BTBD9: variants seen among roughly 807,000 people sequenced by gnomAD.
The protein encoded by BTBD9 is BTB/POZ domain-containing protein 9.
Under a neutral mutation model 64.3 loss-of-function variants are expected in BTBD9, and 49 were observed. That is an observed-to-expected ratio of 0.76 (90% CI 0.61 to 0.97). The LOEUF is 0.97. BTBD9 is among the 50% of genes least tolerant of loss of function. BTBD9 has a pLI of 0.00. For missense variants in BTBD9, 598 were observed against 762.1 expected (o/e 0.78, Z 2.53); for synonymous variants, 260 against 274.7 (o/e 0.95, Z 0.53).
At chr6:38,313,287 CT>C (rs1383551243) in intron 7 of BTBD9, among the ~76,000 whole-genome samples, 1 of 152,106 alleles carries the variant, frequency 6.6e-6, no homozygotes, top group Non-Finnish European at 1.5e-5. Flanking sequence ...TTGGTGGAGT[CT>C]TTAGGTTTTT....
At chr6:38,418,242 A>G (rs111401069) in intron 6 of BTBD9, among the ~76,000 whole-genome samples, 19 of 152,210 alleles carry the variant, frequency 1.2e-4, no homozygotes, top group African/African-American at 4.6e-4. Context: ...ATACAGGAAT[A>G]AATATGTTTA....
chr6:38,321,100 G>T (rs1404025328), intron 7 of BTBD9, among the ~76,000 whole-genome samples: 1 of 152,190 alleles, frequency 6.6e-6, no homozygotes, highest in African/African-American at 2.4e-5. Context: ...GCTAAGGGAG[G>T]TCTCTTTTAA....
In BTBD9 at chr6:38,465,753, A is replaced by ATATGTATGTATG. The variant is rs1240229381; in HGVS notation, c.1154+111835_1154+111846dup. ...TATATATATATATATATATATATAT[A>ATATGTATGTATG]TATGTATGTATGTATGTATTTCAGT... is the stretch of plus-strand genomic sequence containing the variant. On this transcript the variant is annotated intron_variant, in intron 6 of 10. Transcript: ENST00000481247. Among the ~76,000 whole-genome samples the ATATGTATGTATG allele has an allele frequency of 3.1e-3, 124 of 39,656 alleles. 1 individual carries two copies. The highest frequency in any genetic ancestry group is 3.7e-3 in the Non-Finnish European group (84 of 22,516). 26.0% of individuals were successfully genotyped at this position (39,656 alleles called of 152,430 possible).
chr6:38,462,466 G>A (rs1162360985), intron 6 of BTBD9, among the ~76,000 whole-genome samples: 4 of 152,100 alleles, frequency 2.6e-5, no homozygotes, highest in Admixed American at 1.3e-4. Context: ...ATAATTGTGC[G>A]GGTCTACCTC....
intron 9 of BTBD9, among the ~76,000 whole-genome samples, chr6:38,247,247 G>C (rs1292473096): frequency 6.6e-6 from 1 of 151,958 alleles, no homozygotes; most frequent in Non-Finnish European, 1.5e-5. Context: ...CTTTACTGAG[G>C]CTATAACTCT....
Position 38,239,453 on chromosome 6 carries a change from A to T in BTBD9, c.1562+16956T>A, listed in dbSNP as rs1289285561. On this transcript the variant is annotated intron_variant, in intron 9 of 10. Transcript: ENST00000481247. ...GACTCTGTCTCAAAAAAAAAAAAAAAAAAAAAAGATATAATCTCTTATAGG... is the reference window on the plus strand; with the variant it reads ...GACTCTGTCTCAAAAAAAAAAAAAATAAAAAAAGATATAATCTCTTATAGG... 7.1e-4 allele frequency among the ~76,000 whole-genome samples: 108 copies of T among 151,838 alleles called. 1 individual carries two copies. The highest frequency in any genetic ancestry group is 2.5e-3 in the African/African-American group (103 of 41,414).
At chr6:38,581,374 T>C (rs1361539891) in intron 4 of BTBD9, among the ~76,000 whole-genome samples, 3 of 152,218 alleles carry the variant, frequency 2.0e-5, no homozygotes, top group Non-Finnish European at 4.4e-5. Flanking sequence ...AATTAATTAA[T>C]CTAGCTTATA....
intron 7 of BTBD9, among the ~76,000 whole-genome samples, chr6:38,313,000 T>C (rs1344289590): frequency 1.3e-5 from 2 of 152,362 alleles, no homozygotes; most frequent in South Asian, 2.1e-4. Context: ...TTGGATAGTA[T>C]GGACATTTTA....
Position 38,172,536 on chromosome 6 carries a change from AAGG to A in BTBD9, c.*2446_*2448del, listed in dbSNP as rs1362499353. ...AGGGCAGTACCCCTCCAGCCTGGGAAAGGAGGTGAACCCGTGTCCTTTTGGAGT... is the reference window on the plus strand; with the variant it reads ...AGGGCAGTACCCCTCCAGCCTGGGAAAGGTGAACCCGTGTCCTTTTGGAGT... On this transcript the variant is annotated 3_prime_UTR_variant, in exon 11 of 11. Coordinates refer to ENST00000481247, the MANE Select transcript of BTBD9 (RefSeq NM_001099272.2). 2 of 152,246 alleles carry A rather than the reference AAGG, an allele frequency of 1.3e-5. No homozygotes were observed. Among genetic ancestry groups the A allele is most frequent in the Non-Finnish European group, 2.9e-5 (2 of 68,042 alleles). The allele number at this position is 152,246 out of a possible 1,614,324, so 9.4% of individuals were successfully genotyped here.
chr6:38,345,001 AGAG>A lies in BTBD9; in HGVS notation c.1244_1246del (p.Thr415_Leu416delinsIle). On this transcript the variant is annotated inframe_deletion, in exon 7 of 11. Coordinates refer to ENST00000481247, the MANE Select transcript of BTBD9 (RefSeq NM_001099272.2). Reference sequence around the variant, plus strand: ...ATACTTACCTATCAGCCCCTTCTCAAGAGTGAAGGTTTTGTTTGTAAACATACA... The same window carrying A: ...ATACTTACCTATCAGCCCCTTCTCAATGAAGGTTTTGTTTGTAAACATACA... 1 of 1,603,610 alleles carries A rather than the reference AGAG, an allele frequency of 6.2e-7. No individual in the cohort carries two copies. The highest frequency in any genetic ancestry group is 8.5e-7 in the Non-Finnish European group (1 of 1,171,940).
chr6:38,333,932 T>C (rs1031844569), intron 7 of BTBD9, among the ~76,000 whole-genome samples: 9 of 152,038 alleles, frequency 5.9e-5, no homozygotes, highest in African/African-American at 2.2e-4. Context: ...GACAGGAAGA[T>C]GAGGGAAGGC....
chr6:38,486,680 C>T (rs897674665), intron 6 of BTBD9, among the ~76,000 whole-genome samples: 3 of 152,182 alleles, frequency 2.0e-5, no homozygotes, highest in Non-Finnish European at 2.9e-5. Flanking sequence ...CAAAAATCAT[C>T]GATTACAGAT....
chr6:38,324,064 C>G (rs2127577508), intron 7 of BTBD9, among the ~76,000 whole-genome samples: 1 of 152,290 alleles, frequency 6.6e-6, no homozygotes, highest in South Asian at 2.1e-4. Context: ...GATCATGCCA[C>G]TGAACTCCAG....
At chr6:38,482,043 T>C (rs917896695) in intron 6 of BTBD9, 3 of 152,216 alleles carry the variant, frequency 2.0e-5, no homozygotes, top group African/African-American at 7.2e-5. Flanking sequence ...AGTAACTATT[T>C]TGTTTTGTTG....
rs532946663 is a variant in BTBD9 at position 38,525,144 on chromosome 6, C to T, written c.1154+52456G>A. Reference sequence around the variant, plus strand: ...ATCTTGAATTGTAATCCCCATGTGTCGAGGGAGAAAGTTAGTTGGATCACA... The same window carrying T: ...ATCTTGAATTGTAATCCCCATGTGTTGAGGGAGAAAGTTAGTTGGATCACA... On this transcript the variant is annotated intron_variant, in intron 6 of 10. Coordinates refer to ENST00000481247, the MANE Select transcript of BTBD9 (RefSeq NM_001099272.2). 6.6e-5 allele frequency among the ~76,000 whole-genome samples: 10 copies of T among 152,236 alleles called. No individual in the cohort carries two copies. In the South Asian group the frequency reaches 1.0e-3, roughly 16 times the overall value.
chr6:38,468,913 A>C (rs1024121607), intron 6 of BTBD9, among the ~76,000 whole-genome samples: 1 of 152,190 alleles, frequency 6.6e-6, no homozygotes, highest in African/African-American at 2.4e-5. Context: ...CCCATCCAAA[A>C]TATTTAACTT....
chr6:38,263,872 G>A (rs1291744736), intron 8 of BTBD9, among the ~76,000 whole-genome samples: 1 of 152,130 alleles, frequency 6.6e-6, no homozygotes, highest in Non-Finnish European at 1.5e-5. Context: ...AACTAAAAGG[G>A]CCAAAGATAA....
Position 38,194,876 on chromosome 6 carries a change from C to A in BTBD9, c.1563-2279G>T, listed in dbSNP as rs191345725. Among the ~76,000 whole-genome samples, 401 of 149,310 alleles carry A rather than the reference C, an allele frequency of 2.7e-3. 2 individuals carry two copies. Among genetic ancestry groups the A allele is most frequent in the African/African-American group, 9.9e-3 (384 of 38,782 alleles). On this transcript the variant is annotated intron_variant, in intron 9 of 10. Transcript: ENST00000481247. ...GGCAGGAGAGGCAGGGGAGGCAGGG[C>A]TGGCAGGGCAGCAGTCTGAGCGGGA...
At chr6:38,589,540 G>A (rs556585782) in intron 4 of BTBD9, among the ~76,000 whole-genome samples, 1 of 152,218 alleles carries the variant, frequency 6.6e-6, no homozygotes, top group East Asian at 1.9e-4. Flanking sequence ...TTTATCCAAG[G>A]CTGACACTTA....
Sources: gnomAD v4.1 joint callset for allele counts (sites outside exome capture counted in the v4.1 genomes callset) on GRCh38, gnomAD v4.1.1 for gene constraint, MANE v1.5 for transcripts, NCBI Gene and HGNC (gene_info 2026-07-23, HGNC 2026-07-21) for gene names.